Variants in GDPD5 observed in about 807,000 individuals in gnomAD.
GDPD5 encodes glycerophosphodiester phosphodiesterase 2.
In GDPD5, 48 loss-of-function variants were observed where a neutral mutation model predicts 75.1. The observed-to-expected ratio is 0.64, with a 90% CI of 0.51 to 0.81. The LOEUF is 0.81. GDPD5 is among the 40% of genes least tolerant of loss of function. GDPD5 has a pLI of 0.00. For missense variants in GDPD5, 706 were observed against 822.6 expected (o/e 0.86, Z 1.73); for synonymous variants, 336 against 339.0 (o/e 0.99, Z 0.10).
chr11:75,442,331 C>T lies in GDPD5; in HGVS notation c.1167+32G>A, dbSNP rs778404533. The T allele has an allele frequency of 1.5e-5, 23 of 1,505,176 alleles. No homozygotes were observed. In the East Asian group the frequency reaches 2.7e-4, roughly 18 times the overall value. 93.2% of individuals were successfully genotyped at this position (1,505,176 alleles called of 1,614,324 possible). ...GCAGGGCTCTAGCCAGGCCAGGGCT[C>T]CCGGGGGCAGAGCTGCGTTGCAGGG... is the stretch of plus-strand genomic sequence containing the variant. On this transcript the variant is annotated intron_variant, in intron 12 of 16. Coordinates refer to ENST00000336898, the MANE Select transcript of GDPD5 (RefSeq NM_030792.8).
chr11:75,481,516 C>T (rs909051908), intron 2 of GDPD5, among the ~76,000 whole-genome samples: 7 of 152,060 alleles, frequency 4.6e-5, no homozygotes, highest in African/African-American at 1.4e-4. Flanking sequence ...GAGCCAGGGC[C>T]TGGGGGACAG....
At chr11:75,517,887 G>A (rs1403016319) in intron 1 of GDPD5, among the ~76,000 whole-genome samples, 4 of 152,172 alleles carry the variant, frequency 2.6e-5, no homozygotes, top group African/African-American at 4.8e-5. Context: ...TTGGGTGTCC[G>A]GGTTGGAAAA....
At chr11:75,439,237 G>A in intron 15 of GDPD5, 1 of 429,134 alleles carries the variant, frequency 2.3e-6, no homozygotes, top group Non-Finnish European at 4.7e-6. Flanking sequence ...GGTGGCCCGG[G>A]CACAGGGCTT....
At chr11:75,512,094 A>G (rs1592159217) in intron 1 of GDPD5, among the ~76,000 whole-genome samples, 2 of 152,188 alleles carry the variant, frequency 1.3e-5, no homozygotes, top group African/African-American at 2.4e-5. Flanking sequence ...GAGGTCCTCA[A>G]TCAGGACAGA....
At chr11:75,476,190 G>A (rs1949773522) in intron 3 of GDPD5, among the ~76,000 whole-genome samples, 1 of 152,208 alleles carries the variant, frequency 6.6e-6, no homozygotes, top group East Asian at 1.9e-4. Context: ...TGTGGAGCAC[G>A]GTAGAGTGGT....
In GDPD5 at chr11:75,435,393, A is replaced by C. The variant is rs1010187248; in HGVS notation, c.*114T>G. The C allele has an allele frequency of 1.0e-6, 1 of 1,001,010 alleles. No individual in the cohort carries two copies. 62.0% of individuals were successfully genotyped at this position (1,001,010 alleles called of 1,614,324 possible). On this transcript the variant is annotated 3_prime_UTR_variant, in exon 17 of 17. Transcript: ENST00000336898. ...CGGCTGACAAGGGGCTGGAGCCCAC[A>C]AGGAGGCTGTGGAGCCCGCTCCCAG... is the stretch of plus-strand genomic sequence containing the variant.
intron 9 of GDPD5, among the ~76,000 whole-genome samples, chr11:75,446,590 C>T (rs762118977): frequency 1.3e-5 from 2 of 152,188 alleles, no homozygotes; most frequent in Non-Finnish European, 2.9e-5. Flanking sequence ...TTAAAGTACA[C>T]GTACACACAT....
At position 75,521,207 on chromosome 11, in the gene GDPD5, C is replaced by T. The variant is rs376034101; in HGVS notation, c.-145+4003G>A. On this transcript the variant is annotated intron_variant, in intron 1 of 16. Transcript: ENST00000336898. ...CACAGACAACCAGCCAGCCTGTGCA[C>T]GGCCTAGGGCCCAGGTCCTTCCTGG... Among the ~76,000 whole-genome samples the T allele has an allele frequency of 1.7e-4, 26 of 152,346 alleles. No individual in the cohort carries two copies. In the East Asian group the frequency reaches 2.9e-3, roughly 17 times the overall value.
rs747652235 is a variant in GDPD5, at chr11:75,435,513, C to A, written c.1812G>T (p.Gly604=). The A allele has an allele frequency of 4.4e-6, 7 of 1,604,620 alleles. No homozygotes were observed. The highest frequency in any genetic ancestry group is 6.0e-6 in the Non-Finnish European group (7 of 1,175,718). ...SHTKTLIERS[G]R is the part of the protein sequence containing the mutation. ...GGGACAGACATGTCTTCAGCTAACG[C>A]CCACTCCGCTCTATGAGGGTCTTGG... The change falls in exon 17 of 17, where the codon GGG becomes GGT. Residue 604 remains glycine (G), a synonymous_variant. Coordinates refer to ENST00000336898, the MANE Select transcript of GDPD5 (RefSeq NM_030792.8).
Position 75,477,798 on chromosome 11 carries a change from G to T in GDPD5, c.-60-3C>A. 1 of 1,150,850 alleles carries T rather than the reference G, an allele frequency of 8.7e-7. No homozygotes were observed. The highest frequency in any genetic ancestry group is 1.2e-6 in the Non-Finnish European group (1 of 811,486). The allele number at this position is 1,150,850 out of a possible 1,614,324, so 71.3% of individuals were successfully genotyped here. ...CCCATGGAGGCCCCCAGCTTGTCCT[G>T]CAGGAGGAAGCACAGGGCAGTGAGG... On this transcript the variant is annotated splice_polypyrimidine_tract_variant and splice_region_variant and intron_variant, in intron 2 of 16. Coordinates refer to ENST00000336898, the MANE Select transcript of GDPD5 (RefSeq NM_030792.8).
intron 1 of GDPD5, among the ~76,000 whole-genome samples, chr11:75,514,436 G>A (rs998742230): frequency 4.6e-5 from 7 of 152,252 alleles, no homozygotes; most frequent in South Asian, 4.1e-4. Context: ...ACAGTGAGAC[G>A]GAGGTGCCAG....
At chr11:75,444,265 C>T in intron 10 of GDPD5, 148 bp downstream of exon 10, 1 of 626,038 alleles carries the variant, frequency 1.6e-6, no homozygotes, top group South Asian at 1.8e-5. Context: ...TCTGCAGGAA[C>T]AGGGTGCCTG....
At chr11:75,501,555 T>C (rs1024967864) in intron 1 of GDPD5, among the ~76,000 whole-genome samples, 1 of 152,126 alleles carries the variant, frequency 6.6e-6, no homozygotes, top group Non-Finnish European at 1.5e-5. Flanking sequence ...GGGTGAAGCC[T>C]TTGGCTGGGC....
At chr11:75,449,810 G>A (rs370698266) in intron 7 of GDPD5, 75 bp downstream of exon 7, 26 of 1,500,020 alleles carry the variant, frequency 1.7e-5, no homozygotes, top group East Asian at 1.6e-4. Context: ...GCCCTTCTTT[G>A]GGCCTTGGTC....
intron 8 of GDPD5, 124 bp from the exon 9 acceptor site, chr11:75,449,246 T>C: frequency 1.7e-6 from 2 of 1,202,142 alleles, no homozygotes; most frequent in South Asian, 2.9e-5. Context: ...TTATTCTTGC[T>C]GGGAAGATGA....
chr11:75,450,299 G>A (rs1949106850), intron 6 of GDPD5: 1 of 462,164 alleles, frequency 2.2e-6, no homozygotes, highest in East Asian at 4.0e-5. Flanking sequence ...ATTCAGTAAG[G>A]GGGACCTCCC....
At chr11:75,523,461 A>T (rs1173633027) in intron 1 of GDPD5, among the ~76,000 whole-genome samples, 3 of 152,202 alleles carry the variant, frequency 2.0e-5, no homozygotes, top group African/African-American at 7.2e-5. Flanking sequence ...AGACTGGGCC[A>T]TTAATAACCT....
At chr11:75,478,718 A>T (rs978455686) in intron 2 of GDPD5, among the ~76,000 whole-genome samples, 4 of 152,262 alleles carry the variant, frequency 2.6e-5, no homozygotes, top group Non-Finnish European at 4.4e-5. Flanking sequence ...ATTTTAGAAG[A>T]AATTATCATA....
At chr11:75,440,149 G>C (rs538908866) in intron 14 of GDPD5, among the ~76,000 whole-genome samples, 188 bp from the exon 15 acceptor site, 1 of 152,170 alleles carries the variant, frequency 6.6e-6, no homozygotes, top group Non-Finnish European at 1.5e-5. Context: ...GGGCCTGGGG[G>C]CCGGGGCGTG....
Sources: gnomAD v4.1 joint callset for allele counts (sites outside exome capture counted in the v4.1 genomes callset) on GRCh38, gnomAD v4.1.1 for gene constraint, MANE v1.5 for transcripts, NCBI Gene and HGNC (gene_info 2026-07-23, HGNC 2026-07-21) for gene names.